The following SLC39A9 variants were observed in gnomAD, a reference collection of about 807,000 sequenced individuals.
SLC39A9 encodes the protein zinc transporter ZIP9.
SLC39A9 carries 14 observed loss-of-function variants against 28.4 expected under a neutral mutation model. The observed-to-expected ratio is 0.49, with a 90% CI of 0.33 to 0.77. The LOEUF is 0.77. Among genes scored for constraint, SLC39A9 ranks in the 30% least tolerant of loss-of-function variants. SLC39A9 has a pLI of 0.02. For synonymous variants in SLC39A9, 119 were observed against 149.6 expected (o/e 0.80, Z 1.49); for missense variants, 283 against 381.1 (o/e 0.74, Z 2.14).
At chr14:69,413,586 T>C (rs894675918) in intron 1 of SLC39A9, among the ~76,000 whole-genome samples, 5 of 152,154 alleles carry the variant, frequency 3.3e-5, no homozygotes, top group African/African-American at 7.2e-5. Context: ...TTATTTTATT[T>C]TGTCATGAAC....
At chr14:69,448,335 C>T (rs900749950) in intron 3 of SLC39A9, among the ~76,000 whole-genome samples, 4 of 151,630 alleles carry the variant, frequency 2.6e-5, no homozygotes, top group African/African-American at 9.7e-5. Flanking sequence ...AAAAAAGTCA[C>T]TCTTTGGAGG....
chr14:69,458,155 A>T (rs1320605808), intron 6 of SLC39A9, among the ~76,000 whole-genome samples: 2 of 152,316 alleles, frequency 1.3e-5, no homozygotes, highest in Middle Eastern at 3.4e-3. Context: ...TAAATTTTTT[A>T]AAAAATCAAT....
In SLC39A9 at chr14:69,445,394, TTC is replaced by T. The variant is rs558857667; in HGVS notation, c.403+3132_403+3133del. On this transcript the variant is annotated intron_variant, in intron 3 of 6. Coordinates refer to ENST00000336643, the MANE Select transcript of SLC39A9 (RefSeq NM_018375.5). The stretch of plus-strand genomic sequence containing the variant: ...ACTTCCACTTAATAGTAAATATATT[TTC>T]TCTTTCTTATGATTTTTAAATAACA... Among the ~76,000 whole-genome samples, 34 of 152,340 alleles carry T rather than the reference TTC, an allele frequency of 2.2e-4. 1 individual carries two copies. The South Asian group carries it at 7.0e-3, about 32-fold the overall frequency.
At chr14:69,421,817 G>A (rs1044093522) in intron 1 of SLC39A9, among the ~76,000 whole-genome samples, 6 of 152,156 alleles carry the variant, frequency 3.9e-5, no homozygotes, top group South Asian at 4.1e-4. Context: ...AGCAAGGAGC[G>A]GGATATAATC....
chr14:69,438,024 CTTTT>C (rs374673006), intron 2 of SLC39A9, among the ~76,000 whole-genome samples: 1 of 140,362 alleles, frequency 7.1e-6, no homozygotes, highest in Non-Finnish European at 1.5e-5. Context: ...TTCCCTTACC[CTTTT>C]TTTTTTTTTT....
At chr14:69,452,365 T>C (rs1885648547) in intron 3 of SLC39A9, among the ~76,000 whole-genome samples, 1 of 152,158 alleles carries the variant, frequency 6.6e-6, no homozygotes, top group Admixed American at 6.6e-5. Flanking sequence ...GTTTCACTCT[T>C]GTTGCCCAGG....
chr14:69,407,077 C>G (rs953081832), intron 1 of SLC39A9, among the ~76,000 whole-genome samples: 3 of 151,854 alleles, frequency 2.0e-5, no homozygotes, highest in African/African-American at 7.3e-5. Flanking sequence ...ATCTGGATCT[C>G]CTGGCCTTGA....
intron 1 of SLC39A9, among the ~76,000 whole-genome samples, chr14:69,414,462 A>G (rs1315942475): frequency 1.3e-5 from 2 of 152,232 alleles, no homozygotes; most frequent in African/African-American, 4.8e-5. Flanking sequence ...TGAATGGCAG[A>G]TGAGATTGTT....
intron 1 of SLC39A9, among the ~76,000 whole-genome samples, chr14:69,405,369 T>A (rs1882858095): frequency 6.6e-6 from 1 of 152,264 alleles, no homozygotes; most frequent in Non-Finnish European, 1.5e-5. Flanking sequence ...GTTACATTTT[T>A]AAGGACTTTT....
At chr14:69,426,063 C>G (rs1884172341) in intron 2 of SLC39A9, among the ~76,000 whole-genome samples, 1 of 152,118 alleles carries the variant, frequency 6.6e-6, no homozygotes, top group African/African-American at 2.4e-5. Flanking sequence ...CACACCACAA[C>G]AATCATAAAC....
chr14:69,420,355 G>C (rs1209915021), intron 1 of SLC39A9, among the ~76,000 whole-genome samples: 1 of 152,184 alleles, frequency 6.6e-6, no homozygotes, highest in African/African-American at 2.4e-5. Context: ...TAGAGTTTCT[G>C]CTGAGAGATA....
At chr14:69,426,671 A>G (rs977559503) in intron 2 of SLC39A9, among the ~76,000 whole-genome samples, 1 of 152,126 alleles carries the variant, frequency 6.6e-6, no homozygotes, top group Non-Finnish European at 1.5e-5. Context: ...CTCTCATGGG[A>G]GCTTAAGACC....
rs1346295794 is a variant in SLC39A9, at chr14:69,461,639, G to A, written c.*3046G>A. ...TGCAGAAAGGAGAAAATGTGATTGT[G>A]TTTTTTTTTTACCAGCCTACTTCTA... On this transcript the variant is annotated 3_prime_UTR_variant, in exon 7 of 7. Coordinates refer to ENST00000336643, the MANE Select transcript of SLC39A9 (RefSeq NM_018375.5). The A allele has an allele frequency of 7.3e-7, 1 of 1,363,682 alleles. No individual in the cohort carries two copies. The highest frequency in any genetic ancestry group is 1.5e-5 in the African/African-American group (1 of 67,688). 84.5% of individuals were successfully genotyped at this position (1,363,682 alleles called of 1,614,324 possible).
chr14:69,421,391 C>T (rs551105730), intron 1 of SLC39A9, among the ~76,000 whole-genome samples: 7 of 152,188 alleles, frequency 4.6e-5, no homozygotes, highest in Non-Finnish European at 8.8e-5. Flanking sequence ...CAGAGGGGCA[C>T]CTGGCTGTAT....
intron 1 of SLC39A9, among the ~76,000 whole-genome samples, chr14:69,409,770 A>T (rs1217800898): frequency 1.3e-5 from 2 of 152,188 alleles, no homozygotes; most frequent in Non-Finnish European, 2.9e-5. Context: ...TCAAGCATTG[A>T]GTGTATTTCA....
rs1555405708 is a variant in SLC39A9, at chr14:69,407,302, C to CCTTCCTTCCTTCCTT, written c.96+7838_96+7839insTTCCTTCCTTCCTTC. ...TTTCCTTTCCTTCCTTCCCTTCCTT[C>CCTTCCTTCCTTCCTT]CCTTCCTTCCTTCCTTCCTTCCTTC... On this transcript the variant is annotated intron_variant, in intron 1 of 6. Coordinates refer to ENST00000336643, the MANE Select transcript of SLC39A9 (RefSeq NM_018375.5). 8.9e-4 allele frequency among the ~76,000 whole-genome samples: 128 copies of CCTTCCTTCCTTCCTT among 143,940 alleles called. 1 individual carries two copies. Among genetic ancestry groups the CCTTCCTTCCTTCCTT allele is most frequent in the African/African-American group, 3.2e-3 (127 of 39,364 alleles). The allele number at this position is 143,940 out of a possible 152,430, so 94.4% of individuals were successfully genotyped here. A position where few individuals can be genotyped will look rare whatever the true frequency, so the allele number is the denominator to read the frequency against.
intron 1 of SLC39A9, among the ~76,000 whole-genome samples, chr14:69,423,771 G>A (rs955024476): frequency 5.9e-5 from 9 of 151,900 alleles, no homozygotes; most frequent in East Asian, 3.9e-4. Context: ...GGTGGTGCAC[G>A]CCTGTAATCC....
Position 69,454,796 on chromosome 14 carries a change from T to G in SLC39A9, c.473-16T>G, listed in dbSNP as rs750821420. ...GTTGTTTATAGTATTTTATGTTTCC[T>G]TGTTTCCAAATATAGCTGATGGTGT... On this transcript the variant is annotated splice_polypyrimidine_tract_variant and intron_variant, in intron 4 of 6. Transcript: ENST00000336643. 117 of 1,609,138 alleles carry G rather than the reference T, an allele frequency of 7.3e-5. 2 individuals carry two copies. In the Admixed American group the frequency reaches 2.0e-3, roughly 27 times the overall value.
chr14:69,423,670 G>A (rs1184963197), intron 1 of SLC39A9, among the ~76,000 whole-genome samples: 1 of 152,076 alleles, frequency 6.6e-6, no homozygotes, highest in African/African-American at 2.4e-5. Context: ...GACCGAAGCG[G>A]GCGGATCACC....
Sources: gnomAD v4.1 joint callset for allele counts (sites outside exome capture counted in the v4.1 genomes callset) on GRCh38, gnomAD v4.1.1 for gene constraint, MANE v1.5 for transcripts, NCBI Gene and HGNC (gene_info 2026-07-23, HGNC 2026-07-21) for gene names.